PRIM2: variants seen among roughly 807,000 people sequenced by gnomAD.
PRIM2 encodes DNA primase subunit 2, also known as DNA primase large subunit.
Under a neutral mutation model 67.3 loss-of-function variants are expected in PRIM2, and 39 were observed. That is an observed-to-expected ratio of 0.58 (90% CI 0.45 to 0.76). The LOEUF (loss-of-function observed/expected upper bound fraction) is 0.76, where lower values mean the gene tolerates loss of function less well. Ranked by LOEUF, PRIM2 falls within the 30% of genes least tolerant of loss-of-function variation. PRIM2 has a pLI of 0.00. For synonymous variants in PRIM2, 143 were observed against 198.7 expected (o/e 0.72, Z 2.36); for missense variants, 398 against 598.7 (o/e 0.66, Z 3.50).
chr6:57,549,442 G>C (rs1185364372), intron 10 of PRIM2, among the ~76,000 whole-genome samples: 2 of 151,982 alleles, frequency 1.3e-5, no homozygotes, highest in African/African-American at 4.8e-5. Context: ...TAGTGTTTAG[G>C]TTGACACTGA....
intron 3 of PRIM2, among the ~76,000 whole-genome samples, chr6:57,321,041 G>A (rs1755834): frequency 0.17 from 26,153 of 152,134 alleles, 2,427 homozygotes; most frequent in Non-Finnish European, 0.19. Flanking sequence ...TTCATTTTGG[G>A]AAGATGACTG....
intron 10 of PRIM2, among the ~76,000 whole-genome samples, chr6:57,571,126 C>A (rs1449257696): frequency 6.6e-6 from 1 of 151,932 alleles, no homozygotes; most frequent in Non-Finnish European, 1.5e-5. Context: ...TCTTTTTTAC[C>A]TTTTAATCAT....
the PRIM2 span, among the ~76,000 whole-genome samples, chr6:57,309,066 TA>T: frequency 6.6e-6 from 1 of 151,922 alleles, no homozygotes; most frequent in Non-Finnish European, 1.5e-5. Context: ...CTGGTTTTCC[TA>T]GGCAGAGGTC....
At chr6:57,570,938 A>G (rs1347937795) in intron 10 of PRIM2, among the ~76,000 whole-genome samples, 11 of 152,120 alleles carry the variant, frequency 7.2e-5, no homozygotes, top group Non-Finnish European at 1.6e-4. Flanking sequence ...TGTCATCCCT[A>G]TAATTTTTTT....
At chr6:57,452,252 A>C (rs2127391028) in intron 7 of PRIM2, among the ~76,000 whole-genome samples, 1 of 152,250 alleles carries the variant, frequency 6.6e-6, no homozygotes, top group East Asian at 1.9e-4. Flanking sequence ...ATATGTGTGC[A>C]TGTGTCTTTA....
intron 10 of PRIM2, among the ~76,000 whole-genome samples, chr6:57,565,584 A>G (rs1161443406): frequency 6.6e-6 from 1 of 152,150 alleles, no homozygotes; most frequent in African/African-American, 2.4e-5. Context: ...CTTTTGTTCT[A>G]TTCAGGCTCT....
chr6:57,258,788 A>G, the PRIM2 span, among the ~76,000 whole-genome samples: 4 of 152,092 alleles, frequency 2.6e-5, no homozygotes, highest in Admixed American at 6.6e-5. Context: ...TGATACTCCA[A>G]TGTACCCTAG....
At chr6:57,612,770 T>G (rs1189606806) in intron 12 of PRIM2, among the ~76,000 whole-genome samples, 2 of 149,868 alleles carry the variant, frequency 1.3e-5, no homozygotes, top group Non-Finnish European at 3.0e-5. Flanking sequence ...ATACCTTAAT[T>G]TTTTTCTTTT....
chr6:57,235,328 C>A, the PRIM2 span, among the ~76,000 whole-genome samples: 1 of 151,986 alleles, frequency 6.6e-6, no homozygotes, highest in Non-Finnish European at 1.5e-5. Context: ...GCCAGGTTTG[C>A]TGGCACATGC....
the PRIM2 span, among the ~76,000 whole-genome samples, chr6:57,234,770 G>T: frequency 0.59 from 90,017 of 151,974 alleles, 28,500 homozygotes; most frequent in South Asian, 0.77. Flanking sequence ...TGACCCACCC[G>T]CCTTGGCCTC....
intron 7 of PRIM2, among the ~76,000 whole-genome samples, chr6:57,444,566 C>CAA (rs66824143): frequency 5.7e-5 from 6 of 104,980 alleles, no homozygotes; most frequent in African/African-American, 1.5e-4. Flanking sequence ...GATTCCATCT[C>CAA]AAAAAAAAAA....
chr6:57,490,526 G>T (rs1303914028), intron 7 of PRIM2, among the ~76,000 whole-genome samples: 20 of 152,086 alleles, frequency 1.3e-4, no homozygotes, highest in Non-Finnish European at 2.2e-4. Flanking sequence ...TTATCGAACC[G>T]AGGGATCAAT....
chr6:57,442,790 T>C (rs1772240498), intron 7 of PRIM2, among the ~76,000 whole-genome samples: 3 of 152,162 alleles, frequency 2.0e-5, no homozygotes, highest in Admixed American at 1.3e-4. Context: ...GTCTGTCACC[T>C]CATTGGAATT....
At chr6:57,524,629 A>G (rs1774705671) in intron 8 of PRIM2, among the ~76,000 whole-genome samples, 1 of 152,088 alleles carries the variant, frequency 6.6e-6, no homozygotes, top group Non-Finnish European at 1.5e-5. Flanking sequence ...TGAACCGGGG[A>G]GGCAGAGGTT....
At chr6:57,242,326 G>T in the PRIM2 span, among the ~76,000 whole-genome samples, 1 of 152,022 alleles carries the variant, frequency 6.6e-6, no homozygotes, top group Non-Finnish European at 1.5e-5. Flanking sequence ...CATTTATTTT[G>T]TGTTTGAAAA....
chr6:57,305,500 T>G, the PRIM2 span, among the ~76,000 whole-genome samples: 117 of 152,306 alleles, frequency 7.7e-4, 1 homozygote, highest in African/African-American at 2.7e-3. Flanking sequence ...ATATTCAGAA[T>G]CGTTTCAGCT....
chr6:57,373,699 A>G (rs1378102266), intron 5 of PRIM2, among the ~76,000 whole-genome samples: 2 of 152,214 alleles, frequency 1.3e-5, no homozygotes, highest in Non-Finnish European at 2.9e-5. Flanking sequence ...TTTATTATAC[A>G]GGGAAATCTT....
rs538690149 is a variant in PRIM2, at chr6:57,392,124, T to C, written c.693+9956T>C. On this transcript the variant is annotated intron_variant, in intron 7 of 13. Coordinates refer to ENST00000615550, the MANE Select transcript of PRIM2 (RefSeq NM_000947.5). Reference sequence around the variant, plus strand: ...AGCTGTATTCCTAGGTATTTTATTCTTTTTGTGGCAATTGTGAATGGGATT... The same window carrying C: ...AGCTGTATTCCTAGGTATTTTATTCCTTTTGTGGCAATTGTGAATGGGATT... Among the ~76,000 whole-genome samples the C allele has an allele frequency of 3.9e-3, 588 of 152,292 alleles. 3 individuals carry two copies. Among genetic ancestry groups the C allele is most frequent in the African/African-American group, 0.013 (552 of 41,564 alleles).
intron 7 of PRIM2, among the ~76,000 whole-genome samples, chr6:57,493,303 G>A (rs1554346138): frequency 5.3e-5 from 8 of 152,238 alleles, no homozygotes; most frequent in African/African-American, 1.7e-4. Context: ...TTTGTTGCCC[G>A]TATGTTTACT....
Sources: allele counts gnomAD v4.1 joint callset (sites outside exome capture counted in the v4.1 genomes callset), GRCh38; gene constraint gnomAD v4.1.1; transcripts MANE v1.5; gene names NCBI Gene and HGNC (gene_info 2026-07-23, HGNC 2026-07-21).